SLC30A7: variants seen among roughly 807,000 people sequenced by gnomAD.
SLC30A7 encodes zinc transporter 7.
In SLC30A7, 35 loss-of-function variants were observed where a neutral mutation model predicts 46.0. The observed-to-expected ratio is 0.76, with a 90% CI of 0.58 to 1.01. SLC30A7 has a LOEUF of 1.01. Among genes scored for constraint, SLC30A7 ranks in the 50% least tolerant of loss-of-function variants. The probability of loss-of-function intolerance (pLI) is 0.00; values close to 1 mark genes in which losing one functional copy is unlikely to be tolerated. For missense variants in SLC30A7, 464 were observed against 451.1 expected (o/e 1.03, Z -0.26); for synonymous variants, 147 against 157.8 (o/e 0.93, Z 0.51).
At chr1:100,929,083 A>G (rs1315052205) in intron 8 of SLC30A7, among the ~76,000 whole-genome samples, 1 of 137,864 alleles carries the variant, frequency 7.3e-6, no homozygotes, top group Admixed American at 7.4e-5. Flanking sequence ...GGGAGAAACT[A>G]TATATAGAGA....
At chr1:100,922,907 A>G (rs564191220) in intron 8 of SLC30A7, among the ~76,000 whole-genome samples, 22 of 148,990 alleles carry the variant, frequency 1.5e-4, no homozygotes, top group Non-Finnish European at 2.7e-4. Context: ...TTATTTTTTC[A>G]TTGTGATTTT....
At chr1:100,904,181 A>G (rs1031233615) in intron 2 of SLC30A7, among the ~76,000 whole-genome samples, 4 of 152,202 alleles carry the variant, frequency 2.6e-5, no homozygotes, top group Non-Finnish European at 4.4e-5. Flanking sequence ...ATTTGAACCC[A>G]GGTACTCTGA....
chr1:100,940,839 A>G (rs994266050), intron 8 of SLC30A7, among the ~76,000 whole-genome samples: 1 of 152,222 alleles, frequency 6.6e-6, no homozygotes, highest in African/African-American at 2.4e-5. Flanking sequence ...AATCACAAAT[A>G]TAGTTTTCAT....
At chr1:100,966,553 T>C (rs924067527) in intron 10 of SLC30A7, among the ~76,000 whole-genome samples, 27 of 151,974 alleles carry the variant, frequency 1.8e-4, no homozygotes, top group African/African-American at 6.3e-4. Context: ...GCCACTGCAC[T>C]CCAGCCTGGG....
chr1:100,914,128 G>A (rs1652314249), intron 6 of SLC30A7, among the ~76,000 whole-genome samples: 1 of 152,080 alleles, frequency 6.6e-6, no homozygotes, highest in Non-Finnish European at 1.5e-5. Context: ...TTTGGTATAG[G>A]CATGTAATAC....
At chr1:100,940,662 A>T (rs2101056562) in intron 8 of SLC30A7, among the ~76,000 whole-genome samples, 1 of 152,354 alleles carries the variant, frequency 6.6e-6, no homozygotes, top group Admixed American at 6.5e-5. Context: ...GTGATTAATT[A>T]ATTTATTTTT....
At chr1:100,936,965 A>G (rs1654000872) in intron 8 of SLC30A7, among the ~76,000 whole-genome samples, 2 of 152,160 alleles carry the variant, frequency 1.3e-5, no homozygotes, top group Non-Finnish European at 2.9e-5. Context: ...CCACTTCTGA[A>G]TATTTACTTA....
In SLC30A7 at chr1:100,896,261, A is replaced by C. The variant is rs769021656; in HGVS notation, c.-2A>C. 6.2e-7 allele frequency: 1 copy of C among 1,614,012 alleles called. No homozygotes were observed. Among genetic ancestry groups the C allele is most frequent in the Admixed American group, 1.7e-5 (1 of 60,010 alleles). On this transcript the variant is annotated 5_prime_UTR_variant, in exon 1 of 11. Coordinates refer to ENST00000357650, the MANE Select transcript of SLC30A7 (RefSeq NM_133496.5). ...GACCCGGCCCTTCGCCGGGCAGAGA[A>C]GATGTTGCCCCTGTCCATCAAAGAC...
chr1:100,936,228 T>G (rs1254384888), intron 8 of SLC30A7, among the ~76,000 whole-genome samples: 1 of 152,208 alleles, frequency 6.6e-6, no homozygotes, highest in Non-Finnish European at 1.5e-5. Context: ...GAGAACTTAC[T>G]AATTTACTAG....
chr1:100,914,961 G>A (rs1343361829), intron 6 of SLC30A7, among the ~76,000 whole-genome samples: 1 of 151,910 alleles, frequency 6.6e-6, no homozygotes, highest in Non-Finnish European at 1.5e-5. Context: ...CTACTCTATT[G>A]AGATATGATT....
At chr1:100,983,871 A>G (rs1017037539), downstream of SLC30A7, among the ~76,000 whole-genome samples, 3 of 152,206 alleles carry the variant, frequency 2.0e-5, no homozygotes, top group East Asian at 1.9e-4. Context: ...TACAAATAAA[A>G]TAAGGTCCAT....
At chr1:100,903,274 T>C (rs1651426450) in intron 2 of SLC30A7, among the ~76,000 whole-genome samples, 1 of 152,128 alleles carries the variant, frequency 6.6e-6, no homozygotes, top group Non-Finnish European at 1.5e-5. Flanking sequence ...TATTAATCTT[T>C]TCTTGGGGGA....
intron 10 of SLC30A7, among the ~76,000 whole-genome samples, chr1:100,967,513 A>G (rs989737952): frequency 3.9e-5 from 6 of 152,114 alleles, no homozygotes; most frequent in African/African-American, 1.4e-4. Flanking sequence ...TAACACATAG[A>G]TCTAATGAAG....
chr1:100,995,202 C>T, the SLC30A7 span: 1 of 1,310,556 alleles, frequency 7.6e-7, no homozygotes, highest in Non-Finnish European at 1.1e-6. Context: ...TTATCCAAAA[C>T]CCTATGTGTA....
downstream of SLC30A7, among the ~76,000 whole-genome samples, chr1:100,983,375 C>CAAAAAAAAAAAAAAAAAAAAA (rs779529890): frequency 1.3e-5 from 1 of 76,492 alleles, no homozygotes; most frequent in African/African-American, 4.9e-5. Context: ...TACTTTGAGG[C>CAAAAAAAAAAAAAAAAAAAAA]AAAAAAAAAA....
the SLC30A7 span, among the ~76,000 whole-genome samples, chr1:100,988,419 G>A: frequency 6.6e-6 from 1 of 152,282 alleles, no homozygotes; most frequent in East Asian, 1.9e-4. Flanking sequence ...TACATTACAA[G>A]CTATTACACC....
the SLC30A7 span, chr1:100,992,777 A>G: frequency 1.4e-6 from 2 of 1,379,744 alleles, no homozygotes; most frequent in Non-Finnish European, 2.1e-6. Context: ...GTTCTTAGCC[A>G]TGAAACTACA....
chr1:100,967,240 C>T (rs547863768), intron 10 of SLC30A7, among the ~76,000 whole-genome samples: 10 of 152,250 alleles, frequency 6.6e-5, no homozygotes, highest in East Asian at 1.9e-4. Flanking sequence ...CACCAGGGAC[C>T]GGCTTTGTGG....
rs1656557340 is a variant in SLC30A7 at position 100,976,927 on chromosome 1, A to C, written c.*2070A>C. 6.6e-6 allele frequency: 1 copy of C among 152,536 alleles called. No homozygotes were observed. The highest frequency in any genetic ancestry group is 2.1e-4 in the South Asian group (1 of 4,824). 9.4% of individuals were successfully genotyped at this position (152,536 alleles called of 1,614,324 possible). ...GATTTACTGCAGTAGTATGTGCTTA[A>C]AACAACTGTTGAGGTCTTTTAAGCA... On this transcript the variant is annotated 3_prime_UTR_variant, in exon 11 of 11. Coordinates refer to ENST00000357650, the MANE Select transcript of SLC30A7 (RefSeq NM_133496.5).
Sources: gnomAD v4.1 joint callset for allele counts (sites outside exome capture counted in the v4.1 genomes callset) on GRCh38, gnomAD v4.1.1 for gene constraint, MANE v1.5 for transcripts, NCBI Gene and HGNC (gene_info 2026-07-23, HGNC 2026-07-21) for gene names.